The following ADAMTS4 variants were observed in gnomAD, a reference collection of about 807,000 sequenced individuals.
ADAMTS4 encodes the protein ADAM metallopeptidase with thrombospondin type 1 motif 4.
In ADAMTS4, 38 loss-of-function variants were observed where a neutral mutation model predicts 66.7. The observed-to-expected ratio is 0.57, with a 90% confidence interval of 0.44 to 0.75. ADAMTS4 has a LOEUF of 0.75. Ranked by LOEUF, ADAMTS4 falls within the 30% of genes least tolerant of loss-of-function variation. The probability of loss-of-function intolerance (pLI) is 0.00; values close to 1 mark genes in which losing one functional copy is unlikely to be tolerated. For missense variants in ADAMTS4, 1,014 were observed against 1,116.7 expected, an observed-to-expected ratio of 0.91 and a Z score of 1.31; for synonymous variants, 418 against 461.5, an observed-to-expected ratio of 0.91 and a Z score of 1.21.
Position 161,198,711 on chromosome 1 carries a change from G to A in ADAMTS4, c.-84C>T, listed in dbSNP as rs1664981544. On this transcript the variant is annotated 5_prime_UTR_variant, in exon 1 of 9. Transcript: ENST00000367996. The surrounding 1 kb of genome is among the most constrained non-coding windows in gnomAD (Gnocchi z 4.7). The stretch of plus-strand genomic sequence containing the variant: ...CCCTAGCTTTGGAAAGCTCCTCTCT[G>A]TAGCCTGGGGGCTTGGACTCCTGCC... The A allele has an allele frequency of 6.9e-6, 9 of 1,300,482 alleles. No homozygotes were observed. Among genetic ancestry groups the A allele is most frequent in the Middle Eastern group, 2.2e-4 (1 of 4,512 alleles). 80.6% of individuals were successfully genotyped at this position (1,300,482 alleles called of 1,614,324 possible).
At position 161,191,262 on chromosome 1, in the gene ADAMTS4, C is replaced by A. The variant is rs757018849; in HGVS notation, c.2390G>T (p.Arg797Leu). 3 of 1,613,840 alleles carry A rather than the reference C, an allele frequency of 1.9e-6. No homozygotes were observed. The highest frequency in any genetic ancestry group is 8.5e-7 in the Non-Finnish European group (1 of 1,180,000). The change falls in exon 9 of 9, where the codon CGA becomes CTA. Residue 797 changes from arginine to leucine, a missense_variant. Coordinates refer to ENST00000367996, the MANE Select transcript of ADAMTS4 (RefSeq NM_005099.6). ...CGGCCGGGGCACGAAGAAGCTGTATCGGAGGCGTGTGTCCTGGGGGTTGCC... is the reference window on the plus strand; with the variant it reads ...CGGCCGGGGCACGAAGAAGCTGTATAGGAGGCGTGTGTCCTGGGGGTTGCC... ...VAGNPQDTRL[R>L]YSFFVPRPTP...
At chr1:161,192,730 C>T (rs1288451163) in intron 7 of ADAMTS4, among the ~76,000 whole-genome samples, 2 of 152,124 alleles carry the variant, frequency 1.3e-5, no homozygotes, top group African/African-American at 4.8e-5. Flanking sequence ...GCGAAGGGAG[C>T]AAAATGCTGC....
At position 161,184,351 on chromosome 1, in the gene ADAMTS4, C is replaced by A. The variant is rs1190493362; in HGVS notation, c.*6787G>T. The A allele has an allele frequency of 1.3e-5, 2 of 152,234 alleles. No homozygotes were observed. Among genetic ancestry groups the A allele is most frequent in the African/African-American group, 4.8e-5 (2 of 41,454 alleles). The allele number at this position is 152,234 out of a possible 1,614,324, so 9.4% of individuals were successfully genotyped here. ...TTGACCACTTACTAAAAGCCAGACA[C>A]AGTGCCAAACATTTACATCATCATA... On this transcript the variant is annotated 3_prime_UTR_variant, in exon 9 of 9. Transcript: ENST00000367996.
Position 161,194,429 on chromosome 1 carries a change from G to A in ADAMTS4, c.1262-208C>T, listed in dbSNP as rs920171746. Reference sequence around the variant, plus strand: ...TCCTGAGACAGAGTCTTGCTCTGTCGCTCAGGCTGCAGTACAGTGGCATGA... The same window carrying A: ...TCCTGAGACAGAGTCTTGCTCTGTCACTCAGGCTGCAGTACAGTGGCATGA... On this transcript the variant is annotated intron_variant, in intron 4 of 8. Transcript: ENST00000367996. This position sits in a 1 kb window ranked among gnomAD's most constrained non-coding sequence, Gnocchi z 4.1. Among the ~76,000 whole-genome samples the A allele has an allele frequency of 1.4e-5, 2 of 147,832 alleles. No homozygotes were observed. The highest frequency in any genetic ancestry group is 2.5e-5 in the African/African-American group (1 of 39,674).
chr1:161,195,883 A>C, intron 3 of ADAMTS4: 1 of 548,320 alleles, frequency 1.8e-6, no homozygotes, highest in Non-Finnish European at 3.1e-6. Flanking sequence ...AACATTCCCA[A>C]CTGTGACCCC....
rs1300161505 is a variant in ADAMTS4 at position 161,186,408 on chromosome 1, T to C, written c.*4730A>G. 1 of 152,240 alleles carries C rather than the reference T, an allele frequency of 6.6e-6. No individual in the cohort carries two copies. Among genetic ancestry groups the C allele is most frequent in the Non-Finnish European group, 1.5e-5 (1 of 68,070 alleles). 9.4% of individuals were successfully genotyped at this position (152,240 alleles called of 1,614,324 possible). On this transcript the variant is annotated 3_prime_UTR_variant, in exon 9 of 9. Transcript: ENST00000367996. ...CATCACTTCTCTTCGATGAGCTAGC[T>C]CTCTCTGCCCCTCTTTCACTCTAGC... is the stretch of plus-strand genomic sequence containing the variant.
chr1:161,191,196 T>C lies in ADAMTS4; in HGVS notation c.2456A>G (p.His819Arg), dbSNP rs1664667432. ...GATCTCCAGAATCTGTGCTCTTCGG[T>C]GCAGCCAGTCCTGGGGAGTGGGGCG... ...TPRPTPQDWL[H>R]RRAQILEILR... Residue 819 changes from histidine to arginine, a missense_variant, in exon 9 of 9, where the codon CAC (histidine) becomes CGC (arginine). Coordinates refer to ENST00000367996, the MANE Select transcript of ADAMTS4 (RefSeq NM_005099.6). 5 of 1,599,576 alleles carry C rather than the reference T, an allele frequency of 3.1e-6. No individual in the cohort carries two copies. In the East Asian group the frequency reaches 1.1e-4, roughly 36 times the overall value.
chr1:161,197,361 C>G, intron 1 of ADAMTS4: 1 of 161,412 alleles, frequency 6.2e-6, no homozygotes. Flanking sequence ...TGGATTAAAG[C>G]TAGAGAGGGA....
chr1:161,196,541 C>T lies in ADAMTS4; in HGVS notation c.957+16G>A, dbSNP rs1664846601. On this transcript the variant is annotated intron_variant, in intron 2 of 8. Transcript: ENST00000367996. Reference sequence around the variant, plus strand: ...ATTGTGCAGTGCATGGCCTGCGGTGCTGACTGGGGCCTCACCTGACGGGTA... The same window carrying T: ...ATTGTGCAGTGCATGGCCTGCGGTGTTGACTGGGGCCTCACCTGACGGGTA... The T allele has an allele frequency of 6.2e-7, 1 of 1,612,424 alleles. No individual in the cohort carries two copies. The highest frequency in any genetic ancestry group is 8.5e-7 in the Non-Finnish European group (1 of 1,179,104).
In ADAMTS4 at chr1:161,198,937, G is replaced by T. The variant is rs1048962114; in HGVS notation, c.-310C>A. 2.1e-5 allele frequency: 7 copies of T among 333,172 alleles called. No individual in the cohort carries two copies. Among genetic ancestry groups the T allele is most frequent in the Non-Finnish European group, 3.8e-5 (7 of 183,040 alleles). The allele number at this position is 333,172 out of a possible 1,614,324, so 20.6% of individuals were successfully genotyped here. ...CCTCTCCCTCTGTAGGACTCTGTCTGGGCCGCTTCTGTGCCTGCCCTGTCT... is the reference window on the plus strand; with the variant it reads ...CCTCTCCCTCTGTAGGACTCTGTCTTGGCCGCTTCTGTGCCTGCCCTGTCT... On this transcript the variant is annotated 5_prime_UTR_variant, in exon 1 of 9. Transcript: ENST00000367996. This position sits in a 1 kb window ranked among gnomAD's most constrained non-coding sequence, Gnocchi z 4.7.
rs1256752781 is a variant in ADAMTS4 at position 161,194,669 on chromosome 1, G to C, written c.1262-448C>G. ...CTCCCAAAGCATTGGGATTACAGGTGTAAGCCACTGTGCCTAGCCCTGTAA... is the reference window on the plus strand; with the variant it reads ...CTCCCAAAGCATTGGGATTACAGGTCTAAGCCACTGTGCCTAGCCCTGTAA... On this transcript the variant is annotated intron_variant, in intron 4 of 8. Transcript: ENST00000367996. This position sits in a 1 kb window ranked among gnomAD's most constrained non-coding sequence, Gnocchi z 4.1. Among the ~76,000 whole-genome samples, 3 of 152,208 alleles carry C rather than the reference G, an allele frequency of 2.0e-5. No individual in the cohort carries two copies. The highest frequency in any genetic ancestry group is 7.2e-5 in the African/African-American group (3 of 41,446).
In ADAMTS4 at chr1:161,191,455, C is replaced by T. The variant is rs537956227; in HGVS notation, c.2197G>A (p.Asp733Asn). ...TCACCATTGAGGGCATAGGAGCCATCTGGCAGCTTCAGGGCCAAGTAGATG... is the reference window on the plus strand; with the variant it reads ...TCACCATTGAGGGCATAGGAGCCATTTGGCAGCTTCAGGGCCAAGTAGATG... The part of the protein sequence containing the change: ...RSIYLALKLP[D>N]GSYALNGEYT... Residue 733 changes from aspartate to asparagine, a missense_variant, in exon 9 of 9, where the codon GAT (aspartate) becomes AAT (asparagine). By Grantham distance (23) the Asp-to-Asn change is conservative. Coordinates refer to ENST00000367996, the MANE Select transcript of ADAMTS4 (RefSeq NM_005099.6). 1.2e-6 allele frequency: 2 copies of T among 1,614,086 alleles called. No homozygotes were observed. The highest frequency in any genetic ancestry group is 1.7e-5 in the Admixed American group (1 of 60,012).
intron 1 of ADAMTS4, 94 bp downstream of exon 1, chr1:161,197,901 A>C: frequency 1.3e-6 from 2 of 1,496,002 alleles, no homozygotes; most frequent in Non-Finnish European, 1.8e-6. Flanking sequence ...CAGAACGGCC[A>C]GAAGTGTAAG....
intron 3 of ADAMTS4, 107 bp downstream of exon 3, chr1:161,196,064 G>A: frequency 1.5e-6 from 2 of 1,374,262 alleles, no homozygotes; most frequent in South Asian, 1.5e-5. Flanking sequence ...CTATACCTAG[G>A]CCTGGGGGAA....
rs766247457 is a variant in ADAMTS4, at chr1:161,193,234, G to C, written c.1890C>G (p.Tyr630Ter). The C allele has an allele frequency of 1.8e-5, 29 of 1,613,686 alleles. No individual in the cohort carries two copies. Among genetic ancestry groups the C allele is most frequent in the Non-Finnish European group, 2.3e-5 (27 of 1,179,924 alleles). ...TCACCCGTGGCTCCAGCACATAGTA[G>C]TAGCCCAGTGCCTGGGCCTGGCAGG... ...KLTCQAQALG[Y>*]YYVLEPRVVD... The change falls in exon 7 of 9, where the codon TAC (tyrosine) becomes TAG (stop). Residue 630 changes from tyrosine (Y) to a stop codon, truncating the protein, a stop_gained. Transcript: ENST00000367996. LOFTEE classifies it high-confidence loss of function. The surrounding 1 kb of genome is among the most constrained non-coding windows in gnomAD (Gnocchi z 4.4).
In ADAMTS4 at chr1:161,191,358, G is replaced by T; in HGVS notation, c.2294C>A (p.Thr765Asn). The part of the protein sequence containing the change: ...GAVSLRYSGA[T>N]AASETLSGHG... ...GCCTGACAGTGTCTCTGAGGCTGCA[G>T]TGGCCCCGCTGTAGCGCAAGCTGAC... is the stretch of plus-strand genomic sequence containing the variant. Residue 765 changes from threonine (T) to asparagine (N), a missense_variant, in exon 9 of 9, where the codon ACT becomes AAT. Physicochemically the swap from Thr to Asn is moderately conservative, Grantham distance 65. Coordinates refer to ENST00000367996, the MANE Select transcript of ADAMTS4 (RefSeq NM_005099.6). 6.2e-7 allele frequency: 1 copy of T among 1,614,024 alleles called. No individual in the cohort carries two copies. Among genetic ancestry groups the T allele is most frequent in the South Asian group, 1.1e-5 (1 of 91,090 alleles).
In ADAMTS4 at chr1:161,193,328, C is replaced by T; in HGVS notation, c.1796G>A (p.Ser599Asn). Residue 599 changes from serine to asparagine, a missense_variant, in exon 7 of 9, where the codon AGC becomes AAC. Coordinates refer to ENST00000367996, the MANE Select transcript of ADAMTS4 (RefSeq NM_005099.6). This position sits in a 1 kb window ranked among gnomAD's most constrained non-coding sequence, Gnocchi z 4.4. ...AYNHRTDLFKSFPGPMDWVPR... is the reference protein window; with the variant it reads ...AYNHRTDLFKNFPGPMDWVPR... ...AACCCAGTCCATGGGCCCTGGGAAG[C>T]TCTTGAAGAGGTCGGTGCGGTGGTT... 1.9e-6 allele frequency: 3 copies of T among 1,613,962 alleles called. No individual in the cohort carries two copies. Among genetic ancestry groups the T allele is most frequent in the Non-Finnish European group, 2.5e-6 (3 of 1,179,956 alleles).
At position 161,193,722 on chromosome 1, in the gene ADAMTS4, G is replaced by T; in HGVS notation, c.1653C>A (p.Val551=). ...QFSSRDCTRP[V]PRNGGKYCEG... ...CACAGTACTTGCCACCATTCCGGGG[G>T]ACAGGCCTCGTGCAGTCTCGGGAGG... is the stretch of plus-strand genomic sequence containing the variant. The change falls in exon 6 of 9, where the codon GTC becomes GTA. Residue 551 remains valine (V), a synonymous_variant. Coordinates refer to ENST00000367996, the MANE Select transcript of ADAMTS4 (RefSeq NM_005099.6). This position sits in a 1 kb window ranked among gnomAD's most constrained non-coding sequence, Gnocchi z 4.4. 1 of 1,614,090 alleles carries T rather than the reference G, an allele frequency of 6.2e-7. No homozygotes were observed. Among genetic ancestry groups the T allele is most frequent in the Non-Finnish European group, 8.5e-7 (1 of 1,180,014 alleles).
intron 1 of ADAMTS4, 50 bp from the exon 2 acceptor site, chr1:161,196,930 T>C (rs1664865259): frequency 2.0e-6 from 3 of 1,501,320 alleles, no homozygotes; most frequent in African/African-American, 1.4e-5. Context: ...CTCAGACCCA[T>C]GGGTCGGTCG....
Sources: gnomAD v4.1 joint callset for allele counts (sites outside exome capture counted in the v4.1 genomes callset) on GRCh38, gnomAD v4.1.1 for gene constraint, Gnocchi (gnomAD v3.1) non-coding constraint, MANE v1.5 for transcripts, NCBI Gene and HGNC (gene_info 2026-07-23, HGNC 2026-07-21) for gene names.